ANO1: variants seen among roughly 807,000 people sequenced by gnomAD.
The protein encoded by ANO1 is anoctamin-1.
A neutral mutation model predicts 124.0 loss-of-function variants in ANO1; 59 were observed. The observed-to-expected ratio is 0.48, with a 90% CI of 0.39 to 0.59. The LOEUF is 0.59. Among genes scored for constraint, ANO1 ranks in the 20% least tolerant of loss-of-function variants. ANO1 has a pLI of 0.00. For missense variants in ANO1, 1,059 were observed against 1,328.0 expected (o/e 0.80, Z 3.15); for synonymous variants, 529 against 532.0 (o/e 0.99, Z 0.08).
chr11:70,006,607 C>A (rs1255415721), intron 1 of ANO1, among the ~76,000 whole-genome samples: 1 of 146,956 alleles, frequency 6.8e-6, no homozygotes, highest in Non-Finnish European at 1.5e-5. Flanking sequence ...TTCCTTCTTT[C>A]TTTCTCTTTC....
chr11:70,015,423 G>A (rs1261761278), intron 1 of ANO1, among the ~76,000 whole-genome samples: 1 of 152,144 alleles, frequency 6.6e-6, no homozygotes, highest in Non-Finnish European at 1.5e-5. Flanking sequence ...CCCAGCGCAG[G>A]TTCAGCCTCA....
chr11:70,070,245 T>G (rs1857837979), intron 1 of ANO1, among the ~76,000 whole-genome samples: 1 of 152,106 alleles, frequency 6.6e-6, no homozygotes, highest in East Asian at 1.9e-4. Context: ...CAAAATCACC[T>G]GGAGCCGCCA....
At chr11:70,119,239 G>A (rs892951816) in intron 8 of ANO1, among the ~76,000 whole-genome samples, 3 of 116,824 alleles carry the variant, frequency 2.6e-5, no homozygotes, top group Non-Finnish European at 3.4e-5. Flanking sequence ...AATGATGGAT[G>A]GATGGGTTGA....
chr11:70,095,072 G>T (rs1428958081), intron 2 of ANO1, among the ~76,000 whole-genome samples: 1 of 151,942 alleles, frequency 6.6e-6, no homozygotes, highest in African/African-American at 2.4e-5. Flanking sequence ...CGGGCGTGGT[G>T]GCTGGCGCCT....
rs138221650 is a variant in ANO1 at position 70,157,291 on chromosome 11, C to T, written c.1578+270C>T. On this transcript the variant is annotated intron_variant, in intron 16 of 25. Coordinates refer to ENST00000355303, the MANE Select transcript of ANO1 (RefSeq NM_018043.7). ...CTGAGGCAGGACAATTGCTTGAACC[C>T]GGGAGGCAGAGGTTGCGGGGAGCCA... Among the ~76,000 whole-genome samples the T allele has an allele frequency of 5.4e-3, 796 of 146,894 alleles. 7 individuals are homozygous for T. Among genetic ancestry groups the T allele is most frequent in the African/African-American group, 0.02 (776 of 39,768 alleles).
intron 6 of ANO1, 90 bp from the exon 7 acceptor site, chr11:70,111,617 G>T (rs1013420112): frequency 1.1e-5 from 14 of 1,272,160 alleles, no homozygotes; most frequent in African/African-American, 1.5e-5. Context: ...GCTCTTAGTG[G>T]CTGAGATGGC....
chr11:70,120,314 G>A (rs1261667843), intron 8 of ANO1, among the ~76,000 whole-genome samples: 2 of 152,086 alleles, frequency 1.3e-5, no homozygotes, highest in Non-Finnish European at 1.5e-5. Context: ...AGGACCGTGG[G>A]TGAGTTCACA....
intron 8 of ANO1, among the ~76,000 whole-genome samples, chr11:70,122,122 A>C (rs1359466961): frequency 4.7e-4 from 23 of 48,852 alleles, no homozygotes; most frequent in East Asian, 1.4e-3. Flanking sequence ...CTGTCTCTCT[A>C]TCTCTGTCTC....
At chr11:70,104,257 GTTC>G (rs2045399840) in intron 4 of ANO1, 107 bp downstream of exon 4, 1 of 1,301,556 alleles carries the variant, frequency 7.7e-7, no homozygotes, top group South Asian at 1.6e-5. Flanking sequence ...AGAAGAGCGT[GTTC>G]TTGTAAGAGC....
intron 1 of ANO1, chr11:70,064,222 C>A (rs1290625601): frequency 6.6e-6 from 1 of 152,276 alleles, no homozygotes; most frequent in East Asian, 1.9e-4. Context: ...TCTCAGCCAG[C>A]CCCTGGCTCT....
intron 1 of ANO1, among the ~76,000 whole-genome samples, chr11:70,008,978 G>A (rs114088653): frequency 3.9e-5 from 6 of 152,246 alleles, no homozygotes; most frequent in Non-Finnish European, 5.9e-5. Flanking sequence ...TGGGATGAGC[G>A]TGGCCCAGCC....
At chr11:70,138,347 GAAAA>G in intron 11 of ANO1, among the ~76,000 whole-genome samples, 1 of 43,180 alleles carries the variant, frequency 2.3e-5, no homozygotes, top group South Asian at 7.1e-4. Flanking sequence ...TTCCATCTCA[GAAAA>G]AAAAAAAAAA....
chr11:70,145,647 C>T lies in ANO1; in HGVS notation c.1259-4063C>T, dbSNP rs375373586. Among the ~76,000 whole-genome samples the T allele has an allele frequency of 2.8e-4, 42 of 152,138 alleles. 2 individuals carry two copies. The highest frequency in any genetic ancestry group is 2.3e-3 in the Admixed American group (35 of 15,264). On this transcript the variant is annotated intron_variant, in intron 11 of 25. Coordinates refer to ENST00000355303, the MANE Select transcript of ANO1 (RefSeq NM_018043.7). ...TACAAATTTTAGAGCAAGAATACCA[C>T]GGTTCAATGCCAGGTGCAGTGGCTC...
intron 1 of ANO1, among the ~76,000 whole-genome samples, chr11:70,024,969 CAAGGACTTGGTGCTG>C (rs1350179717): frequency 6.6e-6 from 1 of 152,198 alleles, no homozygotes; most frequent in African/African-American, 2.4e-5. Context: ...CAGACAGCTG[CAAGGACTTGGTGCTG>C]AAATGCTGGG....
chr11:69,984,254 C>T (rs369378461), upstream of ANO1, among the ~76,000 whole-genome samples: 39 of 152,304 alleles, frequency 2.6e-4, 1 homozygote, highest in East Asian at 4.3e-3. Context: ...GATTTCCATC[C>T]ATCCTCTTTT....
At chr11:70,134,192 C>T (rs567969175) in intron 11 of ANO1, among the ~76,000 whole-genome samples, 4 of 152,326 alleles carry the variant, frequency 2.6e-5, no homozygotes, top group Admixed American at 6.5e-5. Context: ...CTCTCATGAG[C>T]GCTTCCTCCA....
chr11:70,160,805 T>C (rs535666153), intron 16 of ANO1, among the ~76,000 whole-genome samples: 92 of 152,354 alleles, frequency 6.0e-4, no homozygotes, highest in African/African-American at 2.1e-3. Flanking sequence ...TGCTTGGGGA[T>C]GGTGCCTGGG....
At chr11:70,175,679 AG>A (rs922866837) in intron 22 of ANO1, among the ~76,000 whole-genome samples, 18 of 152,250 alleles carry the variant, frequency 1.2e-4, no homozygotes, top group Non-Finnish European at 2.6e-4. Flanking sequence ...GCATGTGGGC[AG>A]GAGTGGTGGC....
chr11:70,094,236 C>G (rs757902042), intron 2 of ANO1, among the ~76,000 whole-genome samples: 9 of 152,190 alleles, frequency 5.9e-5, no homozygotes, highest in Non-Finnish European at 8.8e-5. Context: ...GAGACCCCGC[C>G]CCTGCCCGCC....
Sources: gnomAD v4.1 joint callset for allele counts (sites outside exome capture counted in the v4.1 genomes callset) on GRCh38, gnomAD v4.1.1 for gene constraint, MANE v1.5 for transcripts, NCBI Gene and HGNC (gene_info 2026-07-23, HGNC 2026-07-21) for gene names.